ADAMTS20: variants seen among roughly 807,000 people sequenced by gnomAD.
ADAMTS20 encodes the protein ADAM metallopeptidase with thrombospondin type 1 motif 20.
A neutral mutation model predicts 260.1 loss-of-function variants in ADAMTS20; 225 were observed. That is an observed-to-expected ratio of 0.87 (90% CI 0.78 to 0.97). The LOEUF is 0.97. Among genes scored for constraint, ADAMTS20 ranks in the 50% least tolerant of loss-of-function variants. The pLI, the probability that ADAMTS20 is intolerant of heterozygous loss-of-function variation, is 0.00. For missense variants in ADAMTS20, 2,400 were observed against 2,337.7 expected, an observed-to-expected ratio of 1.03 and a Z score of -0.55; for synonymous variants, 802 against 769.5, an observed-to-expected ratio of 1.04 and a Z score of -0.70.
In ADAMTS20 at chr12:43,377,559, C is replaced by T. The variant is rs76289805; in HGVS notation, c.4801G>A (p.Ala1601Thr). The change falls in exon 32 of 39, where the codon GCA becomes ACA. Residue 1601 changes from alanine (A) to threonine (T), a missense_variant. Coordinates refer to ENST00000389420, the MANE Select transcript of ADAMTS20 (RefSeq NM_025003.5). The part of the protein sequence containing the change: ...IVVTADSSQC[A>T]NNCGFSYRQR... ...CTGTAACTAAATCCACAGTTGTTTG[C>T]ACACTGAAAAATACATAATTACAAG... 1,519 of 1,606,080 alleles carry T rather than the reference C, an allele frequency of 9.5e-4. 17 individuals are homozygous for T. The African/African-American group carries it at 0.017, about 18-fold the overall frequency.
At position 43,551,649 on chromosome 12, in the gene ADAMTS20, G is replaced by C. The variant is rs1016202671; in HGVS notation, c.91+182C>G. On this transcript the variant is annotated intron_variant, in intron 1 of 38. Coordinates refer to ENST00000389420, the MANE Select transcript of ADAMTS20 (RefSeq NM_025003.5). This position sits in a 1 kb window ranked among gnomAD's most constrained non-coding sequence, Gnocchi z 4.6. ...TGGGAGTGCGATGCGTCTTAGGCGC[G>C]CGCGATTCCTCGAAACCCGGCGCAG... Among the ~76,000 whole-genome samples, 1 of 152,172 alleles carries C rather than the reference G, an allele frequency of 6.6e-6. No individual in the cohort carries two copies. Among genetic ancestry groups the C allele is most frequent in the South Asian group, 2.1e-4 (1 of 4,830 alleles).
At chr12:43,388,219 C>T (rs958541291) in intron 29 of ADAMTS20, among the ~76,000 whole-genome samples, 3 of 152,130 alleles carry the variant, frequency 2.0e-5, no homozygotes, top group Admixed American at 2.0e-4. Flanking sequence ...GCATAGTATC[C>T]GGGCCAGATA....
At chr12:43,523,194 C>T (rs1292507689) in intron 3 of ADAMTS20, among the ~76,000 whole-genome samples, 1 of 152,248 alleles carries the variant, frequency 6.6e-6, no homozygotes, top group East Asian at 1.9e-4. Context: ...GAATCCAGGT[C>T]ACAGGGCAAG....
chr12:43,405,919 C>T (rs1445224010), intron 28 of ADAMTS20, among the ~76,000 whole-genome samples: 2 of 152,170 alleles, frequency 1.3e-5, no homozygotes, highest in Non-Finnish European at 2.9e-5. Context: ...TATGTCTATC[C>T]TATTGCTCAT....
intron 28 of ADAMTS20, among the ~76,000 whole-genome samples, chr12:43,410,475 G>A (rs1475584583): frequency 1.3e-5 from 2 of 152,182 alleles, no homozygotes; most frequent in Admixed American, 6.5e-5. Context: ...TAAGAAAGGA[G>A]CAACATTTCA....
At chr12:43,454,315 A>G (rs542689898) in intron 11 of ADAMTS20, among the ~76,000 whole-genome samples, 9 of 152,304 alleles carry the variant, frequency 5.9e-5, no homozygotes, top group Non-Finnish European at 1.3e-4. Context: ...AAATAGTAAA[A>G]TGGAATATGG....
Position 43,502,318 on chromosome 12 carries a change from C to T in ADAMTS20, c.701G>A (p.Gly234Glu), listed in dbSNP as rs1272453343. The T allele has an allele frequency of 1.2e-6, 2 of 1,610,840 alleles. No individual in the cohort carries two copies. Among genetic ancestry groups the T allele is most frequent in the East Asian group, 4.5e-5 (2 of 44,680 alleles). Residue 234 changes from glycine to glutamate, a missense_variant, in exon 4 of 39, where the codon GGA becomes GAA. By Grantham distance (98) the Gly-to-Glu change is moderately conservative. Transcript: ENST00000389420. ...CAATGGTACATTTTTTGATGTGTGT[C>T]CTAAAACTCTTTCTTTCATTACATT... ...DLNVMKERVLGHTSKNVPLKD... is the reference protein window; with the variant it reads ...DLNVMKERVLEHTSKNVPLKD...
chr12:43,454,747 C>A (rs1592077855), intron 11 of ADAMTS20, among the ~76,000 whole-genome samples: 1 of 152,186 alleles, frequency 6.6e-6, no homozygotes, highest in Non-Finnish European at 1.5e-5. Flanking sequence ...TATGACCATG[C>A]ACTCATGCCA....
At chr12:43,377,214 T>C in intron 32 of ADAMTS20, 151 bp downstream of exon 32, 1 of 579,046 alleles carries the variant, frequency 1.7e-6, no homozygotes, top group Admixed American at 3.3e-5. Flanking sequence ...AGAGATAAAA[T>C]ATTTATATAA....
intron 3 of ADAMTS20, among the ~76,000 whole-genome samples, chr12:43,516,053 G>C (rs548202093): frequency 6.8e-6 from 1 of 146,394 alleles, no homozygotes; most frequent in Non-Finnish European, 1.5e-5. Context: ...CCGCCCCACC[G>C]CCTTCAGTTT....
At chr12:43,414,683 T>A (rs77542487) in intron 28 of ADAMTS20, among the ~76,000 whole-genome samples, 1 of 151,992 alleles carries the variant, frequency 6.6e-6, no homozygotes, top group Non-Finnish European at 1.5e-5. Context: ...TCTGATAATA[T>A]CAAGTGTTGA....
intron 28 of ADAMTS20, among the ~76,000 whole-genome samples, chr12:43,416,940 C>A (rs1454255611): frequency 6.6e-6 from 1 of 152,176 alleles, no homozygotes; most frequent in Admixed American, 6.5e-5. Flanking sequence ...TACCTTCTCC[C>A]CCATAAATCC....
rs186864430 is a variant in ADAMTS20 at position 43,395,179 on chromosome 12, C to T, written c.4452+3887G>A. 5.7e-4 allele frequency among the ~76,000 whole-genome samples: 86 copies of T among 152,158 alleles called. No individual in the cohort carries two copies. In the Middle Eastern group the frequency reaches 0.01, roughly 18 times the overall value. Reference sequence around the variant, plus strand: ...AAATTAGGAAGCAAAGTTTAACCAGCGCTGGAAGCAGGAGGGCATCCTCCC... The same window carrying T: ...AAATTAGGAAGCAAAGTTTAACCAGTGCTGGAAGCAGGAGGGCATCCTCCC... On this transcript the variant is annotated intron_variant, in intron 29 of 38. Coordinates refer to ENST00000389420, the MANE Select transcript of ADAMTS20 (RefSeq NM_025003.5).
At chr12:43,470,655 C>A (rs1291388595) in intron 7 of ADAMTS20, among the ~76,000 whole-genome samples, 1 of 152,144 alleles carries the variant, frequency 6.6e-6, no homozygotes, top group Admixed American at 6.5e-5. Context: ...ATACAGCCAC[C>A]CAATCTAGCC....
intron 3 of ADAMTS20, among the ~76,000 whole-genome samples, chr12:43,516,989 G>A (rs1192844858): frequency 2.0e-5 from 3 of 151,948 alleles, no homozygotes; most frequent in African/African-American, 7.2e-5. Flanking sequence ...GGTACATGCA[G>A]GGAAAAAGCT....
At chr12:43,489,918 A>G (rs541351892) in intron 7 of ADAMTS20, among the ~76,000 whole-genome samples, 1 of 152,058 alleles carries the variant, frequency 6.6e-6, no homozygotes, top group South Asian at 2.1e-4. Flanking sequence ...TATATGTAAT[A>G]AAAGCAAATA....
intron 4 of ADAMTS20, among the ~76,000 whole-genome samples, chr12:43,499,273 AC>A (rs1942721696): frequency 6.6e-6 from 1 of 152,156 alleles, no homozygotes; most frequent in South Asian, 2.1e-4. Flanking sequence ...TTCAACAGAA[AC>A]CTGCTCTCTT....
At chr12:43,439,321 T>C (rs1030514870) in intron 18 of ADAMTS20, among the ~76,000 whole-genome samples, 1 of 152,170 alleles carries the variant, frequency 6.6e-6, no homozygotes, top group Non-Finnish European at 1.5e-5. Flanking sequence ...AAGCAGGATA[T>C]ATATAAGTTA....
chr12:43,494,996 G>A (rs12299528), intron 4 of ADAMTS20, among the ~76,000 whole-genome samples: 2,280 of 152,206 alleles, frequency 0.015, 52 homozygotes, highest in African/African-American at 0.051. Context: ...ACAGAAAAAA[G>A]AGCATATGCA....
Sources: gnomAD v4.1 joint callset for allele counts (sites outside exome capture counted in the v4.1 genomes callset) on GRCh38, gnomAD v4.1.1 for gene constraint, Gnocchi (gnomAD v3.1) non-coding constraint, MANE v1.5 for transcripts, NCBI Gene and HGNC (gene_info 2026-07-23, HGNC 2026-07-21) for gene names.